Variants in COX7B2 observed in about 807,000 individuals in gnomAD.
COX7B2 encodes the protein cytochrome c oxidase subunit 7B2, mitochondrial.
For synonymous variants in COX7B2, 37 were observed against 32.1 expected, an observed-to-expected ratio of 1.15 and a Z score of -0.51; for missense variants, 109 against 95.9, an observed-to-expected ratio of 1.14 and a Z score of -0.57.
intron 2 of COX7B2, among the ~76,000 whole-genome samples, chr4:46,800,671 T>C (rs1339230162): frequency 1.3e-5 from 2 of 152,072 alleles, no homozygotes; most frequent in Non-Finnish European, 2.9e-5. Flanking sequence ...ACCTGAGAAA[T>C]ATCATTCTGA....
chr4:46,894,395 C>T (rs796135975), intron 1 of COX7B2, among the ~76,000 whole-genome samples: 6 of 152,114 alleles, frequency 3.9e-5, no homozygotes, highest in African/African-American at 1.4e-4. Flanking sequence ...GAGGAAAAGA[C>T]CCCCTATTCA....
intron 2 of COX7B2, among the ~76,000 whole-genome samples, chr4:46,750,746 G>A (rs1715322565): frequency 6.6e-6 from 1 of 152,158 alleles, no homozygotes; most frequent in Non-Finnish European, 1.5e-5. Flanking sequence ...TCAAGGTCCA[G>A]CAGGGTTGTT....
At chr4:46,800,502 G>A (rs943533391) in intron 2 of COX7B2, among the ~76,000 whole-genome samples, 1 of 152,080 alleles carries the variant, frequency 6.6e-6, no homozygotes, top group Non-Finnish European at 1.5e-5. Context: ...AAACAATGCA[G>A]AAAGGGCACC....
intron 2 of COX7B2, among the ~76,000 whole-genome samples, chr4:46,791,174 A>G (rs1448357740): frequency 7.5e-6 from 1 of 132,528 alleles, no homozygotes; most frequent in Non-Finnish European, 1.6e-5. Flanking sequence ...AATTTTTTGT[A>G]TTTTTTTTTT....
intron 2 of COX7B2, among the ~76,000 whole-genome samples, chr4:46,757,118 ATACT>A (rs1299391881): frequency 2.6e-5 from 4 of 152,122 alleles, no homozygotes; most frequent in Admixed American, 6.6e-5. Flanking sequence ...TCTATGAATA[ATACT>A]TAGTCATAAA....
intron 2 of COX7B2, among the ~76,000 whole-genome samples, chr4:46,767,500 T>C (rs1716613637): frequency 6.6e-6 from 1 of 152,172 alleles, no homozygotes; most frequent in Admixed American, 6.5e-5. Context: ...TTATAGACCA[T>C]ATAAACTTAA....
intron 1 of COX7B2, among the ~76,000 whole-genome samples, chr4:46,867,651 C>G (rs148303804): frequency 1.3e-5 from 2 of 152,348 alleles, no homozygotes; most frequent in Non-Finnish European, 2.9e-5. Context: ...CCACAAGGAG[C>G]AGCCACTCTG....
chr4:46,817,343 T>C (rs1719608068), intron 2 of COX7B2, among the ~76,000 whole-genome samples: 1 of 152,202 alleles, frequency 6.6e-6, no homozygotes, highest in South Asian at 2.1e-4. Flanking sequence ...CCCCTTTCTA[T>C]TGATGAAGAC....
intron 2 of COX7B2, among the ~76,000 whole-genome samples, chr4:46,780,241 G>C (rs1717373588): frequency 6.6e-6 from 1 of 152,160 alleles, no homozygotes; most frequent in Non-Finnish European, 1.5e-5. Context: ...TGCTGGCCGG[G>C]CACGGTGGCT....
chr4:46,889,022 G>T (rs1043737590), intron 1 of COX7B2, among the ~76,000 whole-genome samples: 1 of 152,074 alleles, frequency 6.6e-6, no homozygotes, highest in Non-Finnish European at 1.5e-5. Flanking sequence ...TGAGGGGATG[G>T]ATACCCCATT....
At chr4:46,748,706 T>C (rs9998421) in intron 2 of COX7B2, among the ~76,000 whole-genome samples, 49,554 of 151,854 alleles carry the variant, frequency 0.33, 8,295 homozygotes, top group South Asian at 0.47. Flanking sequence ...ACTCTTCTTC[T>C]ATTAGCTTCC....
chr4:46,772,696 C>G (rs151119616), intron 2 of COX7B2, among the ~76,000 whole-genome samples: 4 of 151,756 alleles, frequency 2.6e-5, no homozygotes, highest in African/African-American at 9.7e-5. Context: ...CAATCTAGTA[C>G]CTGATTCTCA....
intron 1 of COX7B2, among the ~76,000 whole-genome samples, chr4:46,856,569 T>G (rs936864528): frequency 1.2e-4 from 18 of 152,178 alleles, no homozygotes; most frequent in Admixed American, 1.2e-3. Context: ...GTACAGGATA[T>G]AACTTGAGCC....
intron 1 of COX7B2, among the ~76,000 whole-genome samples, chr4:46,856,220 C>T (rs1384362176): frequency 6.6e-6 from 1 of 152,086 alleles, no homozygotes; most frequent in East Asian, 1.9e-4. Context: ...GCCTGGGCAA[C>T]AGAGCAAGAC....
chr4:46,833,056 C>A (rs920494085), intron 2 of COX7B2, among the ~76,000 whole-genome samples: 1 of 152,130 alleles, frequency 6.6e-6, no homozygotes, highest in Non-Finnish European at 1.5e-5. Context: ...CAAGCATGTA[C>A]CACGGTGCCC....
chr4:46,847,918 C>A (rs998170270), intron 1 of COX7B2, among the ~76,000 whole-genome samples: 1 of 151,974 alleles, frequency 6.6e-6, no homozygotes, highest in Non-Finnish European at 1.5e-5. Context: ...TATTTTACCC[C>A]CTCTTAGCAG....
intron 2 of COX7B2, among the ~76,000 whole-genome samples, chr4:46,786,019 CT>C (rs1228189160): frequency 6.6e-6 from 1 of 152,002 alleles, no homozygotes; most frequent in African/African-American, 2.4e-5. Context: ...GCTGCTAGTT[CT>C]TTTTTTGAAA....
chr4:46,867,604 GC>G (rs1338680718), intron 1 of COX7B2, among the ~76,000 whole-genome samples: 1 of 152,206 alleles, frequency 6.6e-6, no homozygotes, highest in African/African-American at 2.4e-5. Context: ...CCCATACCCT[GC>G]TGCTCTGAGT....
At chr4:46,908,144 C>A (rs1206243680) in intron 1 of COX7B2, among the ~76,000 whole-genome samples, 3 of 151,962 alleles carry the variant, frequency 2.0e-5, no homozygotes, top group Non-Finnish European at 4.4e-5. Flanking sequence ...AGCCACTGCA[C>A]CCAGCCAGAA....
Sources: gnomAD v4.1 joint callset for allele counts (sites outside exome capture counted in the v4.1 genomes callset) on GRCh38, gnomAD v4.1.1 for gene constraint, MANE v1.5 for transcripts, NCBI Gene and HGNC (gene_info 2026-07-23, HGNC 2026-07-21) for gene names.